Variants in PDZRN4 observed in about 807,000 individuals in gnomAD.
PDZRN4 encodes PDZ domain containing ring finger 4.
PDZRN4 carries 70 observed loss-of-function variants against 99.0 expected under a neutral mutation model. The ratio of observed to expected loss-of-function variants is 0.71; its 90% CI spans 0.58 to 0.86. The LOEUF is 0.86. Ranked by LOEUF, PDZRN4 falls within the 40% of genes least tolerant of loss-of-function variation. PDZRN4 has a pLI of 0.00. For missense variants in PDZRN4, 1,474 were observed against 1,331.2 expected (o/e 1.11, Z -1.67); for synonymous variants, 551 against 501.6 (o/e 1.10, Z -1.32).
At chr12:41,207,274 T>C (rs930257273) in intron 3 of PDZRN4, among the ~76,000 whole-genome samples, 27 of 151,944 alleles carry the variant, frequency 1.8e-4, no homozygotes, top group African/African-American at 6.3e-4. Flanking sequence ...AATTCAGTCA[T>C]TGAGGCATAC....
At position 41,573,634 on chromosome 12, in the gene PDZRN4, G is replaced by C; in HGVS notation, c.2855G>C (p.Arg952Thr). Reference protein sequence around the residue: ...SKEERKQHLVRAKEQRRRREF... With the variant: ...SKEERKQHLVTAKEQRRRREF... Reference sequence around the variant, plus strand: ...GAGGAGAGAAAGCAGCACCTGGTTAGGGCCAAAGAGCAGCGCCGTCGCCGT... The same window carrying C: ...GAGGAGAGAAAGCAGCACCTGGTTACGGCCAAAGAGCAGCGCCGTCGCCGT... Residue 952 changes from arginine to threonine, a missense_variant, in exon 10 of 10, where the codon AGG becomes ACG. Physicochemically the swap from Arg to Thr is moderately conservative, Grantham distance 71. Coordinates refer to ENST00000402685, the MANE Select transcript of PDZRN4 (RefSeq NM_001164595.2). The C allele has an allele frequency of 6.2e-7, 1 of 1,614,082 alleles. No homozygotes were observed.
intron 3 of PDZRN4, among the ~76,000 whole-genome samples, chr12:41,343,322 T>C (rs1486868513): frequency 6.6e-6 from 1 of 152,032 alleles, no homozygotes; most frequent in Non-Finnish European, 1.5e-5. Flanking sequence ...TTGAGCTTAC[T>C]TGAAACTTCT....
chr12:41,255,231 C>T (rs759399984), intron 3 of PDZRN4, among the ~76,000 whole-genome samples: 11 of 151,824 alleles, frequency 7.2e-5, no homozygotes, highest in Non-Finnish European at 5.9e-5. Context: ...AGGGAGAAGG[C>T]GCAAGTGATC....
At chr12:41,289,465 G>C (rs1293154714) in intron 3 of PDZRN4, among the ~76,000 whole-genome samples, 1 of 152,108 alleles carries the variant, frequency 6.6e-6, no homozygotes, top group African/African-American at 2.4e-5. Flanking sequence ...AACAGTTCAG[G>C]CTCACTGCTC....
At chr12:41,500,685 G>T (rs1938093945) in intron 3 of PDZRN4, among the ~76,000 whole-genome samples, 2 of 151,808 alleles carry the variant, frequency 1.3e-5, no homozygotes, top group Non-Finnish European at 2.9e-5. Flanking sequence ...TTTACACTGT[G>T]CTATATTCCA....
rs545579013 is a variant in PDZRN4, at chr12:41,192,870, G to T, written c.736-1211G>T. Among the ~76,000 whole-genome samples the T allele has an allele frequency of 6.6e-4, 100 of 152,310 alleles. 1 individual carries two copies. The highest frequency in any genetic ancestry group is 2.3e-3 in the African/African-American group (94 of 41,578). On this transcript the variant is annotated intron_variant, in intron 2 of 9. Transcript: ENST00000402685. The stretch of plus-strand genomic sequence containing the variant: ...TTATAGAATATACTGTAGTTGCAAA[G>T]TTCTTTTATATCTTTGAATTCCTGT...
At chr12:41,400,631 G>T (rs1035654408) in intron 3 of PDZRN4, among the ~76,000 whole-genome samples, 2 of 152,066 alleles carry the variant, frequency 1.3e-5, no homozygotes, top group Non-Finnish European at 2.9e-5. Context: ...TGGAGTGAGT[G>T]GGGGGATGTA....
chr12:41,232,887 A>G (rs571199913), intron 3 of PDZRN4, among the ~76,000 whole-genome samples: 82 of 152,276 alleles, frequency 5.4e-4, no homozygotes, highest in African/African-American at 1.9e-3. Flanking sequence ...CTTTCTACAT[A>G]TGGCTAGCCA....
chr12:41,394,743 C>T (rs1294569938), intron 3 of PDZRN4, among the ~76,000 whole-genome samples: 3 of 151,724 alleles, frequency 2.0e-5, no homozygotes, highest in African/African-American at 4.8e-5. Context: ...TCTGAGTGTA[C>T]TCATAACATG....
intron 3 of PDZRN4, among the ~76,000 whole-genome samples, chr12:41,317,719 T>C (rs76005828): frequency 0.011 from 1,661 of 152,244 alleles, 42 homozygotes; most frequent in East Asian, 0.095. Flanking sequence ...AATTTTTTTC[T>C]AGTATTTTCA....
At chr12:41,270,372 T>G (rs1566410636) in intron 3 of PDZRN4, among the ~76,000 whole-genome samples, 1 of 151,016 alleles carries the variant, frequency 6.6e-6, no homozygotes, top group Admixed American at 6.6e-5. Context: ...TGTTAATGCA[T>G]GTAACCTGGC....
intron 3 of PDZRN4, among the ~76,000 whole-genome samples, chr12:41,333,502 CATTGCT>C (rs1162461710): frequency 6.6e-6 from 1 of 152,108 alleles, no homozygotes; most frequent in Admixed American, 6.6e-5. Flanking sequence ...AGACCAGGGT[CATTGCT>C]TATTGCCTTT....
At chr12:41,452,868 G>A (rs1379641546) in intron 3 of PDZRN4, among the ~76,000 whole-genome samples, 2 of 152,072 alleles carry the variant, frequency 1.3e-5, no homozygotes, top group Non-Finnish European at 1.5e-5. Flanking sequence ...ACTGTCTTAG[G>A]TTAAGTGGCC....
intron 3 of PDZRN4, among the ~76,000 whole-genome samples, chr12:41,305,555 G>C (rs1208558667): frequency 6.6e-6 from 1 of 152,070 alleles, no homozygotes; most frequent in Non-Finnish European, 1.5e-5. Flanking sequence ...GTCCTATATG[G>C]CAAAGGTAGT....
chr12:41,469,854 T>C (rs921470135), intron 3 of PDZRN4, among the ~76,000 whole-genome samples: 11 of 152,066 alleles, frequency 7.2e-5, no homozygotes, highest in South Asian at 6.2e-4. Flanking sequence ...GGTGTGAACC[T>C]GGGAGGCAGA....
At chr12:41,344,056 C>T (rs368003535) in intron 3 of PDZRN4, among the ~76,000 whole-genome samples, 2 of 152,062 alleles carry the variant, frequency 1.3e-5, no homozygotes, top group East Asian at 1.9e-4. Flanking sequence ...ATTTTTAACA[C>T]AGACATTTTA....
chr12:41,238,786 T>C (rs925463408), intron 3 of PDZRN4, among the ~76,000 whole-genome samples: 1 of 152,114 alleles, frequency 6.6e-6, no homozygotes, highest in African/African-American at 2.4e-5. Flanking sequence ...CGAAGTGCTA[T>C]TATTAAAAAA....
At chr12:41,468,356 A>T (rs577169332) in intron 3 of PDZRN4, among the ~76,000 whole-genome samples, 1 of 152,214 alleles carries the variant, frequency 6.6e-6, no homozygotes, top group African/African-American at 2.4e-5. Flanking sequence ...TTTCTCACCC[A>T]TACATAGGAG....
intron 3 of PDZRN4, among the ~76,000 whole-genome samples, chr12:41,271,082 G>C (rs1178567718): frequency 6.6e-6 from 1 of 151,290 alleles, no homozygotes; most frequent in South Asian, 2.1e-4. Flanking sequence ...TTTTCATTTT[G>C]TGTTTTATAT....
Sources: allele counts gnomAD v4.1 joint callset (sites outside exome capture counted in the v4.1 genomes callset), GRCh38; gene constraint gnomAD v4.1.1; transcripts MANE v1.5; gene names NCBI Gene and HGNC (gene_info 2026-07-23, HGNC 2026-07-21).